The following NPIPB9 variants were observed in gnomAD, a reference collection of about 807,000 sequenced individuals.
The protein encoded by NPIPB9 is nuclear pore complex-interacting protein family member B9.
NPIPB9 carries 1 observed loss-of-function variant against 5.6 expected under a neutral mutation model. The observed-to-expected ratio is 0.18, with a 90% CI of 0.06 to 0.84. The LOEUF (loss-of-function observed/expected upper bound fraction) is 0.84, where lower values mean the gene tolerates loss of function less well. Among genes scored for constraint, NPIPB9 ranks in the 40% least tolerant of loss-of-function variants. NPIPB9 has a pLI of 0.70. For synonymous variants in NPIPB9, 2 were observed against 12.5 expected (o/e 0.16, Z 1.77); for missense variants, 3 against 39.1 (o/e 0.08, Z 2.46).
At chr16:28,765,722 TGTGTGTGTG>T (rs1182165358) in intron 3 of NPIPB9, among the ~76,000 whole-genome samples, 1 of 4,654 alleles carries the variant, frequency 2.1e-4, no homozygotes, top group Non-Finnish European at 5.0e-4. Context: ...ATGTCATTCT[TGTGTGTGTG>T]TGTGTGTGTG....
intron 5 of NPIPB9, among the ~76,000 whole-genome samples, chr16:28,767,021 C>T (rs2049243663): frequency 1.7e-5 from 1 of 57,388 alleles, no homozygotes; most frequent in African/African-American, 7.3e-5. Context: ...CCACCACACC[C>T]AGGCTTTTTT....
intron 5 of NPIPB9, among the ~76,000 whole-genome samples, chr16:28,767,386 T>C (rs2049268984): frequency 1.5e-5 from 1 of 67,584 alleles, no homozygotes; most frequent in Non-Finnish European, 3.2e-5. Context: ...AGTAGAGGCA[T>C]AGACTTAGTA....
In NPIPB9 at chr16:28,758,592, C is replaced by T. The variant is rs1351395786; in HGVS notation, c.111+509C>T. 2.6e-5 allele frequency: 5 copies of T among 190,866 alleles called. 1 individual carries two copies. Among genetic ancestry groups the T allele is most frequent in the Non-Finnish European group, 3.3e-5 (3 of 91,960 alleles). The allele number at this position is 190,866 out of a possible 1,614,324, so 11.8% of individuals were successfully genotyped here. ...CTCCCCTTCCCCTCCCCCTCCCCTG[C>T]CCCTCCCCAACTCAGATCCGGCCCC... On this transcript the variant is annotated intron_variant, in intron 2 of 7. Transcript: ENST00000550983.
At chr16:28,755,178 T>TCTGTGCATTTTCCTGTG (rs1187888938) in intron 1 of NPIPB9, among the ~76,000 whole-genome samples, 1 of 122,054 alleles carries the variant, frequency 8.2e-6, no homozygotes, top group Non-Finnish European at 1.8e-5. Flanking sequence ...GTGCATGTAT[T>TCTGTGCATTTTCCTGTG]CTGTGCATTT....
chr16:28,761,898 G>A (rs1395485945), intron 2 of NPIPB9, among the ~76,000 whole-genome samples: 1 of 35,392 alleles, frequency 2.8e-5, no homozygotes, highest in Non-Finnish European at 4.7e-5. Context: ...AAAAAAAAAA[G>A]AGTTTTTTTT....
At chr16:28,760,288 C>A (rs1364365836) in intron 2 of NPIPB9, among the ~76,000 whole-genome samples, 5 of 39,210 alleles carry the variant, frequency 1.3e-4, no homozygotes, top group African/African-American at 5.2e-4. Flanking sequence ...ACTATTCATG[C>A]CATTTTCATG....
At chr16:28,754,909 A>G (rs1362017741) in intron 1 of NPIPB9, among the ~76,000 whole-genome samples, 2 of 137,024 alleles carry the variant, frequency 1.5e-5, no homozygotes, top group Non-Finnish European at 3.2e-5. Flanking sequence ...CTCAGAATCA[A>G]TTGAGTGACA....
At chr16:28,772,230 A>C in exon 8 of NPIPB9, 1 of 26,834 alleles carries the variant, frequency 3.7e-5, no homozygotes, top group Non-Finnish European at 6.2e-5. Context: ...AAACTTTAAA[A>C]AACAGGATGG....
Position 28,767,352 on chromosome 16 carries a change from T to C in NPIPB9, c.590+863T>C, listed in dbSNP as rs2049267189. On this transcript the variant is annotated intron_variant, in intron 5 of 7. Transcript: ENST00000550983. ...CTGGGACTACAGGCATATGCCACCA[T>C]GCCCGGATAATTTTTGTATTCTTAG... 2.1e-5 allele frequency among the ~76,000 whole-genome samples: 2 copies of C among 94,692 alleles called. 1 individual carries two copies. The highest frequency in any genetic ancestry group is 4.6e-5 in the Non-Finnish European group (2 of 43,314). 62.1% of individuals were successfully genotyped at this position (94,692 alleles called of 152,430 possible). A position where few individuals can be genotyped will look rare whatever the true frequency, so the allele number is the denominator to read the frequency against.
intron 3 of NPIPB9, among the ~76,000 whole-genome samples, chr16:28,763,641 C>CTT (rs1217435938): frequency 3.2e-5 from 1 of 30,910 alleles, no homozygotes. Context: ...TTGGAGGAAG[C>CTT]TTTTTTTTTT....
Position 28,758,575 on chromosome 16 carries a change from C to T in NPIPB9, c.111+492C>T, listed in dbSNP as rs1166054353. On this transcript the variant is annotated intron_variant, in intron 2 of 7. Transcript: ENST00000550983. ...CTCCCCTTCCCCTCCCCCTCCCCTTCCCCTCCCCCTCCCCTGCCCCTCCCC... is the reference window on the plus strand; with the variant it reads ...CTCCCCTTCCCCTCCCCCTCCCCTTTCCCTCCCCCTCCCCTGCCCCTCCCC... 5.3e-5 allele frequency: 4 copies of T among 74,830 alleles called. No individual in the cohort carries two copies. The Admixed American group carries it at 6.9e-4, about 13-fold the overall frequency. The allele number at this position is 74,830 out of a possible 1,614,324, so 4.6% of individuals were successfully genotyped here. A position where few individuals can be genotyped will look rare whatever the true frequency, so the allele number is the denominator to read the frequency against.
At chr16:28,753,527 T>TACAC (rs1207972280) in intron 1 of NPIPB9, among the ~76,000 whole-genome samples, 29 of 40,686 alleles carry the variant, frequency 7.1e-4, no homozygotes, top group East Asian at 1.8e-3. Context: ...CACACACACA[T>TACAC]ACATACACAC....
At chr16:28,761,881 CAA>C (rs71292756) in intron 2 of NPIPB9, among the ~76,000 whole-genome samples, 6 of 8,900 alleles carry the variant, frequency 6.7e-4, no homozygotes, top group Non-Finnish European at 7.1e-4. Flanking sequence ...ACTCTGTCTC[CAA>C]AAAAAAAAAA....
At chr16:28,753,769 G>A (rs1174549399) in intron 1 of NPIPB9, among the ~76,000 whole-genome samples, 3 of 55,536 alleles carry the variant, frequency 5.4e-5, no homozygotes, top group African/African-American at 1.7e-4. Context: ...TCACCATATT[G>A]GCCAGGCTCG....
intron 5 of NPIPB9, among the ~76,000 whole-genome samples, chr16:28,767,231 T>C (rs2049259976): frequency 2.2e-5 from 2 of 92,920 alleles, no homozygotes; most frequent in East Asian, 4.9e-4. Context: ...AGTCTCACTC[T>C]GTCACCCAGG....
intron 1 of NPIPB9, among the ~76,000 whole-genome samples, chr16:28,753,527 TACATACACACAC>T (rs1567355089): frequency 9.8e-5 from 4 of 40,686 alleles, no homozygotes; most frequent in South Asian, 1.6e-3. Context: ...CACACACACA[TACATACACACAC>T]ACACACACAC....
intron 1 of NPIPB9, among the ~76,000 whole-genome samples, chr16:28,753,533 C>CAT (rs2048706485): frequency 4.8e-4 from 19 of 39,968 alleles, no homozygotes; most frequent in African/African-American, 1.9e-3. Context: ...CACATACATA[C>CAT]ACACACACAC....
rs1158927991 is a variant in NPIPB9, at chr16:28,753,531, TACACACACAC to T, written c.25+971_25+980del. Among the ~76,000 whole-genome samples, 68 of 41,986 alleles carry T rather than the reference TACACACACAC, an allele frequency of 1.6e-3. 1 individual carries two copies. The highest frequency in any genetic ancestry group is 6.8e-3 in the South Asian group (4 of 586). 27.5% of individuals were successfully genotyped at this position (41,986 alleles called of 152,430 possible). On this transcript the variant is annotated intron_variant, in intron 1 of 7. Transcript: ENST00000550983. ...ATACACACACACACACACACATACATACACACACACACACACACACACACACACACACACA... is the reference window on the plus strand; with the variant it reads ...ATACACACACACACACACACATACATACACACACACACACACACACACACA...
intron 5 of NPIPB9, among the ~76,000 whole-genome samples, chr16:28,767,020 C>T (rs1351205785): frequency 3.4e-5 from 2 of 58,772 alleles, no homozygotes; most frequent in Non-Finnish European, 6.8e-5. Context: ...GCCACCACAC[C>T]CAGGCTTTTT....
Sources: gnomAD v4.1 joint callset for allele counts (sites outside exome capture counted in the v4.1 genomes callset) on GRCh38, gnomAD v4.1.1 for gene constraint, MANE v1.5 for transcripts, NCBI Gene and HGNC (gene_info 2026-07-23, HGNC 2026-07-21) for gene names.